The following NPLOC4 variants were observed in gnomAD, a reference collection of about 807,000 sequenced individuals.
The protein encoded by NPLOC4 is nuclear protein localization protein 4 homolog.
NPLOC4 carries 18 observed loss-of-function variants against 80.6 expected under a neutral mutation model. The observed-to-expected ratio is 0.22, with a 90% CI of 0.15 to 0.33. The LOEUF (loss-of-function observed/expected upper bound fraction) is 0.33, where lower values mean the gene tolerates loss of function less well. Among genes scored for constraint, NPLOC4 ranks in the 10% least tolerant of loss-of-function variants. The pLI is 1.00. For missense variants in NPLOC4, 540 were observed against 786.1 expected (o/e 0.69, Z 3.74); for synonymous variants, 313 against 301.5 (o/e 1.04, Z -0.39).
intron 1 of NPLOC4, among the ~76,000 whole-genome samples, chr17:81,633,773 C>G (rs12948099): frequency 0.57 from 86,237 of 152,018 alleles, 26,235 homozygotes; most frequent in East Asian, 0.77. Context: ...GGCGCGACCT[C>G]GGTTCACTGC....
At position 81,572,488 on chromosome 17, in the gene NPLOC4, G is replaced by T. The variant is rs116940465; in HGVS notation, c.1282-400C>A. On this transcript the variant is annotated intron_variant, in intron 12 of 16. Coordinates refer to ENST00000331134, the MANE Select transcript of NPLOC4 (RefSeq NM_017921.4). This position sits in a 1 kb window ranked among gnomAD's most constrained non-coding sequence, Gnocchi z 4.5. ...TTACAGGCGTGAGCCACCGCGTCCG[G>T]CCTTCACTTTTTAAATTACTTCAAA... 3.6e-3 allele frequency among the ~76,000 whole-genome samples: 544 copies of T among 152,338 alleles called. 7 individuals carry two copies. The East Asian group carries it at 0.065, about 18-fold the overall frequency.
At chr17:81,597,221 C>A (rs372219665) in intron 10 of NPLOC4, 24 bp downstream of exon 10, 1 of 1,599,798 alleles carries the variant, frequency 6.3e-7, no homozygotes, top group Non-Finnish European at 8.6e-7. Flanking sequence ...TAGGGCCACA[C>A]GCACAGTCCT....
intron 16 of NPLOC4, chr17:81,561,927 G>A (rs1188721409): frequency 6.6e-6 from 1 of 152,038 alleles, no homozygotes; most frequent in Admixed American, 6.6e-5. Context: ...TTACCATTAG[G>A]CCTATGACCC....
In NPLOC4 at chr17:81,559,076, G is replaced by GC; in HGVS notation, c.*182dup. ...CAGCCTGCAGAATACCAGCCGTGGC[G>GC]CCCGCTCTCCAGGGAGGAACGTGCT... On this transcript the variant is annotated 3_prime_UTR_variant, in exon 17 of 17. Transcript: ENST00000331134. 1.6e-6 allele frequency: 1 copy of GC among 636,254 alleles called. No individual in the cohort carries two copies. Among genetic ancestry groups the GC allele is most frequent in the Non-Finnish European group, 2.6e-6 (1 of 380,024 alleles). 39.4% of individuals were successfully genotyped at this position (636,254 alleles called of 1,614,324 possible).
chr17:81,585,918 G>A (rs1322325976), intron 12 of NPLOC4, among the ~76,000 whole-genome samples: 1 of 152,172 alleles, frequency 6.6e-6, no homozygotes, highest in African/African-American at 2.4e-5. Context: ...GAGCCCAGGA[G>A]GCAGAAGTTG....
intron 12 of NPLOC4, among the ~76,000 whole-genome samples, chr17:81,575,108 CTTTTT>C (rs1555679467): frequency 6.6e-6 from 1 of 151,348 alleles, no homozygotes; most frequent in Non-Finnish European, 1.5e-5. Context: ...GGTTACTTTT[CTTTTT>C]TTTTGAGAGG....
At chr17:81,593,427 A>G (rs1332733877) in intron 11 of NPLOC4, among the ~76,000 whole-genome samples, 2 of 152,058 alleles carry the variant, frequency 1.3e-5, no homozygotes, top group Non-Finnish European at 2.9e-5. Context: ...TGACACACCT[A>G]AACGTATGAC....
Position 81,572,708 on chromosome 17 carries a change from C to T in NPLOC4, c.1282-620G>A, listed in dbSNP as rs961207122. Among the ~76,000 whole-genome samples, 6 of 152,196 alleles carry T rather than the reference C, an allele frequency of 3.9e-5. No individual in the cohort carries two copies. Among genetic ancestry groups the T allele is most frequent in the Admixed American group, 1.3e-4 (2 of 15,274 alleles). On this transcript the variant is annotated intron_variant, in intron 12 of 16. Coordinates refer to ENST00000331134, the MANE Select transcript of NPLOC4 (RefSeq NM_017921.4). This position sits in a 1 kb window ranked among gnomAD's most constrained non-coding sequence, Gnocchi z 4.5. ...CATGGCGCTTGGCCTGGCACTCAGG[C>T]GCGATCTGCGACAGGCAGAAGGGTC...
chr17:81,584,451 G>C (rs569594361), intron 12 of NPLOC4, among the ~76,000 whole-genome samples: 35 of 152,124 alleles, frequency 2.3e-4, no homozygotes, highest in African/African-American at 8.2e-4. Flanking sequence ...ATCTGAAAAG[G>C]GTATTTAAAA....
At chr17:81,609,568 C>G (rs562049733) in intron 5 of NPLOC4, among the ~76,000 whole-genome samples, 8 of 152,312 alleles carry the variant, frequency 5.3e-5, no homozygotes, top group African/African-American at 1.9e-4. Context: ...CCCTGGCCTC[C>G]CAAAGTGTCG....
At chr17:81,624,008 G>A (rs1309849330) in intron 2 of NPLOC4, among the ~76,000 whole-genome samples, 1 of 152,176 alleles carries the variant, frequency 6.6e-6, no homozygotes, top group African/African-American at 2.4e-5. Context: ...TTTCTGGCCG[G>A]GCGTGGTGGC....
chr17:81,559,079 C>T lies in NPLOC4; in HGVS notation c.*180G>A, dbSNP rs571617439. On this transcript the variant is annotated 3_prime_UTR_variant, in exon 17 of 17. Coordinates refer to ENST00000331134, the MANE Select transcript of NPLOC4 (RefSeq NM_017921.4). ...CCTGCAGAATACCAGCCGTGGCGCCCGCTCTCCAGGGAGGAACGTGCTGAG... is the reference window on the plus strand; with the variant it reads ...CCTGCAGAATACCAGCCGTGGCGCCTGCTCTCCAGGGAGGAACGTGCTGAG... 1.5e-3 allele frequency: 1,016 copies of T among 656,870 alleles called. 3 individuals carry two copies. The highest frequency in any genetic ancestry group is 1.8e-3 in the Non-Finnish European group (720 of 398,132). The allele number at this position is 656,870 out of a possible 1,614,324, so 40.7% of individuals were successfully genotyped here.
chr17:81,568,703 G>T (rs928842642), intron 14 of NPLOC4, among the ~76,000 whole-genome samples: 4 of 152,364 alleles, frequency 2.6e-5, no homozygotes, highest in Admixed American at 2.0e-4. Flanking sequence ...TGACCAGGCA[G>T]GGGCCAGGCC....
rs7217444 is a variant in NPLOC4 at position 81,567,903 on chromosome 17, C to A, written c.1450-370G>T. The stretch of plus-strand genomic sequence containing the variant: ...CCAGTCTGGCCAACATGGCGAAACC[C>A]CGTCTCTACTAAAAATACAAAAAAA... On this transcript the variant is annotated intron_variant, in intron 14 of 16. Transcript: ENST00000331134. The surrounding 1 kb of genome is among the most constrained non-coding windows in gnomAD (Gnocchi z 4.5). 4 of 191,566 alleles carry A rather than the reference C, an allele frequency of 2.1e-5. No homozygotes were observed. The highest frequency in any genetic ancestry group is 7.1e-5 in the African/African-American group (3 of 42,378). The allele number at this position is 191,566 out of a possible 1,614,324, so 11.9% of individuals were successfully genotyped here.
chr17:81,629,923 A>T (rs1167767158), intron 1 of NPLOC4, 118 bp from the exon 2 acceptor site: 1 of 712,052 alleles, frequency 1.4e-6, no homozygotes, highest in Admixed American at 2.4e-5. Context: ...GCCAAACCTC[A>T]CTCTTCACCT....
intron 2 of NPLOC4, among the ~76,000 whole-genome samples, chr17:81,624,320 C>T (rs532085945): frequency 8.5e-4 from 129 of 152,190 alleles, no homozygotes; most frequent in African/African-American, 2.9e-3. Flanking sequence ...CAGGAGGCTG[C>T]GGCAAGAGAA....
At position 81,569,331 on chromosome 17, in the gene NPLOC4, C is replaced by T. The variant is rs146979498; in HGVS notation, c.1354-220G>A. Among the ~76,000 whole-genome samples, 1,406 of 152,322 alleles carry T rather than the reference C, an allele frequency of 9.2e-3. 14 individuals carry two copies. The highest frequency in any genetic ancestry group is 0.02 in the African/African-American group (828 of 41,568). ...TCCTGGAGACAAACTACACCATATC[C>T]GGGCAGCCTCCGGCCTGTGCACCGG... On this transcript the variant is annotated intron_variant, in intron 13 of 16. Coordinates refer to ENST00000331134, the MANE Select transcript of NPLOC4 (RefSeq NM_017921.4).
chr17:81,559,047 C>T lies in NPLOC4; in HGVS notation c.*212G>A, dbSNP rs1226214420. ...CTCTGCGTTTCCAGTCTGGAGACTG[C>T]ATTCAGCCTGCAGAATACCAGCCGT... On this transcript the variant is annotated 3_prime_UTR_variant, in exon 17 of 17. Coordinates refer to ENST00000331134, the MANE Select transcript of NPLOC4 (RefSeq NM_017921.4). 8.8e-6 allele frequency: 5 copies of T among 570,170 alleles called. No homozygotes were observed. The highest frequency in any genetic ancestry group is 1.2e-5 in the Non-Finnish European group (4 of 323,514). The allele number at this position is 570,170 out of a possible 1,614,324, so 35.3% of individuals were successfully genotyped here. A position where few individuals can be genotyped will look rare whatever the true frequency, so the allele number is the denominator to read the frequency against.
intron 5 of NPLOC4, among the ~76,000 whole-genome samples, chr17:81,609,449 G>A (rs867979534): frequency 6.6e-6 from 1 of 152,114 alleles, no homozygotes. Context: ...TGGGACTACA[G>A]GCGTGAACCA....
Sources: gnomAD v4.1 joint callset for allele counts (sites outside exome capture counted in the v4.1 genomes callset) on GRCh38, gnomAD v4.1.1 for gene constraint, Gnocchi (gnomAD v3.1) non-coding constraint, MANE v1.5 for transcripts, NCBI Gene and HGNC (gene_info 2026-07-23, HGNC 2026-07-21) for gene names.